Variants in APLP1 observed in about 807,000 individuals in gnomAD.
APLP1 encodes amyloid beta (A4) precursor-like protein 1.
A neutral mutation model predicts 84.5 loss-of-function variants in APLP1; 46 were observed. That is an observed-to-expected ratio of 0.54 (90% confidence interval 0.43 to 0.70). The LOEUF (loss-of-function observed/expected upper bound fraction) is 0.70, where lower values mean the gene tolerates loss of function less well. APLP1 is among the 30% of genes least tolerant of loss of function. The pLI, the probability that APLP1 is intolerant of heterozygous loss-of-function variation, is 0.00. For synonymous variants in APLP1, 376 were observed against 364.0 expected (o/e 1.03, Z -0.38); for missense variants, 826 against 900.2 (o/e 0.92, Z 1.05).
chr19:35,869,412 G>C, intron 1 of APLP1: 1 of 647,212 alleles, frequency 1.5e-6, no homozygotes, highest in Non-Finnish European at 2.7e-6. Flanking sequence ...GCGCTGGGGT[G>C]GGGGCGGAGT....
rs1272364247 is a variant in APLP1, at chr19:35,870,783, T to A, written c.292-113T>A. ...TGGGCGACAAGAGCAAATCTCCGTC[T>A]CAAAGAAAGAAAGAAAGAGGGAGAA... is the stretch of plus-strand genomic sequence containing the variant. On this transcript the variant is annotated intron_variant, in intron 2 of 16. Coordinates refer to ENST00000221891, the MANE Select transcript of APLP1 (RefSeq NM_001024807.3). 2.8e-6 allele frequency: 4 copies of A among 1,412,686 alleles called. No individual in the cohort carries two copies. In the East Asian group the frequency reaches 1.0e-4, roughly 36 times the overall value. 87.5% of individuals were successfully genotyped at this position (1,412,686 alleles called of 1,614,324 possible).
chr19:35,874,960 G>C lies in APLP1; in HGVS notation c.1344+91G>C. 2 of 1,508,560 alleles carry C rather than the reference G, an allele frequency of 1.3e-6. No homozygotes were observed. Among genetic ancestry groups the C allele is most frequent in the Non-Finnish European group, 1.8e-6 (2 of 1,128,424 alleles). The allele number at this position is 1,508,560 out of a possible 1,614,324, so 93.4% of individuals were successfully genotyped here. The stretch of plus-strand genomic sequence containing the variant: ...CTCTTGTCCCTTAGACCCTCTTTCT[G>C]TCTCTTGGACCCCTTCCTATCCCCT... On this transcript the variant is annotated intron_variant, in intron 10 of 16. Coordinates refer to ENST00000221891, the MANE Select transcript of APLP1 (RefSeq NM_001024807.3). The surrounding 1 kb of genome is among the most constrained non-coding windows in gnomAD (Gnocchi z 6.4).
Position 35,871,370 on chromosome 19 carries a change from G to A in APLP1, c.537+21G>A, listed in dbSNP as rs372134286. 4.7e-5 allele frequency: 67 copies of A among 1,423,708 alleles called. 1 individual carries two copies. The Admixed American group carries it at 8.0e-4, about 17-fold the overall frequency. The allele number at this position is 1,423,708 out of a possible 1,614,324, so 88.2% of individuals were successfully genotyped here. On this transcript the variant is annotated intron_variant, in intron 4 of 16. Coordinates refer to ENST00000221891, the MANE Select transcript of APLP1 (RefSeq NM_001024807.3). ...AGGAGGTCAGGACGTTGGCCCACCC[G>A]TCCCCAGCCCCCACAACCCAGGAAC...
chr19:35,872,122 G>A, intron 6 of APLP1, 86 bp downstream of exon 6: 1 of 1,464,692 alleles, frequency 6.8e-7, no homozygotes, highest in South Asian at 1.3e-5. Flanking sequence ...GTCTTTGGGA[G>A]GGGCCTATAG....
Position 35,874,781 on chromosome 19 carries a change from C to T in APLP1, c.1256C>T (p.Ala419Val), listed in dbSNP as rs1330917042. 6.2e-6 allele frequency: 10 copies of T among 1,613,338 alleles called. No individual in the cohort carries two copies. The highest frequency in any genetic ancestry group is 7.6e-6 in the Non-Finnish European group (9 of 1,179,964). Residue 419 changes from alanine to valine, a missense_variant, in exon 10 of 17, where the codon GCG becomes GTG. This residue lies in a region of APLP1 where 433 missense variants were observed against 496.5 expected (regional missense o/e 0.87). Transcript: ENST00000221891. The surrounding 1 kb of genome is among the most constrained non-coding windows in gnomAD (Gnocchi z 6.4). ...TTGGCCCTGCGGCGCTACCTGCGTG[C>T]GGAGCAGAAGGAACAGAGGCACACG... is the stretch of plus-strand genomic sequence containing the variant. The part of the protein sequence containing the change: ...VLLALRRYLR[A>V]EQKEQRHTLR...
At position 35,876,614 on chromosome 19, in the gene APLP1, T is replaced by G. The variant is rs761676541; in HGVS notation, c.1442T>G (p.Ile481Ser). 6.2e-7 allele frequency: 1 copy of G among 1,609,734 alleles called. No individual in the cohort carries two copies. The highest frequency in any genetic ancestry group is 1.7e-4 in the Middle Eastern group (1 of 6,042). The change falls in exon 11 of 17, where the codon ATC becomes AGC. Residue 481 changes from isoleucine (I) to serine (S), a missense_variant and splice_region_variant. By Grantham distance (142) the Ile-to-Ser change is moderately radical. Coordinates refer to ENST00000221891, the MANE Select transcript of APLP1 (RefSeq NM_001024807.3). ...PHLAQELRPQ[I>S]QELLHSEHLG... ...CTGGCTCAGGAGCTGCGGCCCCAAATCCGTGAGTGTCTATTACCCTGGCTC... is the reference window on the plus strand; with the variant it reads ...CTGGCTCAGGAGCTGCGGCCCCAAAGCCGTGAGTGTCTATTACCCTGGCTC...
intron 10 of APLP1, among the ~76,000 whole-genome samples, chr19:35,875,455 A>G (rs1293361350): frequency 6.6e-6 from 1 of 151,776 alleles, no homozygotes; most frequent in Non-Finnish European, 1.5e-5. Flanking sequence ...CCTCCTGAGT[A>G]GCTGGGACTA....
In APLP1 at chr19:35,869,943, TA is replaced by T. The variant is rs746922328; in HGVS notation, c.291+134del. 9.6e-4 allele frequency: 1,133 copies of T among 1,183,702 alleles called. 3 individuals carry two copies. Among genetic ancestry groups the T allele is most frequent in the Non-Finnish European group, 1.3e-3 (1,088 of 863,866 alleles). The allele number at this position is 1,183,702 out of a possible 1,614,324, so 73.3% of individuals were successfully genotyped here. ...GGCCAATAAAGAGGCGCAACTATGC[TA>T]GGGGCAGGGGACCTGTTTTGAGATA... is the stretch of plus-strand genomic sequence containing the variant. On this transcript the variant is annotated intron_variant, in intron 2 of 16. Transcript: ENST00000221891.
chr19:35,871,168 C>T, intron 3 of APLP1, 69 bp from the exon 4 acceptor site: 1 of 1,553,040 alleles, frequency 6.4e-7, no homozygotes, highest in Non-Finnish European at 8.8e-7. Flanking sequence ...GATAAAATAT[C>T]TGGATTCTGA....
intron 11 of APLP1, among the ~76,000 whole-genome samples, chr19:35,877,499 A>C (rs978735293): frequency 1.3e-5 from 2 of 149,436 alleles, no homozygotes; most frequent in East Asian, 1.9e-4. Context: ...AAAAAAAAAA[A>C]AACAAAAAAA....
At chr19:35,869,465 AG>A (rs1393137399) in intron 1 of APLP1, 16 of 718,452 alleles carry the variant, frequency 2.2e-5, no homozygotes, top group African/African-American at 1.5e-4. Flanking sequence ...CGGGGGACCC[AG>A]GTCGCCATAG....
chr19:35,870,768 G>C (rs1207600605), intron 2 of APLP1, 128 bp from the exon 3 acceptor site: 9 of 1,343,524 alleles, frequency 6.7e-6, no homozygotes, highest in Non-Finnish European at 9.0e-6. Flanking sequence ...TGGGCGACAA[G>C]AGCAAATCTC....
intron 1 of APLP1, 29 bp from the exon 2 acceptor site, chr19:35,869,638 C>T: frequency 1.9e-6 from 3 of 1,608,436 alleles, no homozygotes; most frequent in Non-Finnish European, 2.5e-6. Flanking sequence ...GCCCCCCGAG[C>T]CCTCACTGTC....
chr19:35,869,898 G>A (rs529082601), intron 2 of APLP1, 88 bp downstream of exon 2: 2 of 1,490,376 alleles, frequency 1.3e-6, no homozygotes, highest in Admixed American at 4.7e-5. Context: ...GCGATCTAAG[G>A]CGTGGAGGCT....
At chr19:35,871,793 G>C (rs774247850) in intron 5 of APLP1, 48 bp downstream of exon 5, 11 of 1,613,410 alleles carry the variant, frequency 6.8e-6, no homozygotes, top group Non-Finnish European at 8.5e-6. Context: ...TCCTGAGGCA[G>C]GGGATGGAAG....
Position 35,874,865 on chromosome 19 carries a change from T to C in APLP1, c.1340T>C (p.Phe447Ser), listed in dbSNP as rs1281922690. 3.1e-6 allele frequency: 5 copies of C among 1,607,688 alleles called. No individual in the cohort carries two copies. In the African/African-American group the frequency reaches 6.7e-5, roughly 21 times the overall value. ...VDPEKAQQMR[F>S]QVHTHLQVIE... is the part of the protein sequence containing the mutation. Reference sequence around the variant, plus strand: ...CCCGAGAAGGCACAGCAGATGCGCTTCCAGGTGCTCACATCCTTCCAGCTC... The same window carrying C: ...CCCGAGAAGGCACAGCAGATGCGCTCCCAGGTGCTCACATCCTTCCAGCTC... Residue 447 changes from phenylalanine (F) to serine (S), a missense_variant, in exon 10 of 17, where the codon TTC becomes TCC. By Grantham distance (155) the Phe-to-Ser change is radical. This residue lies in a region of APLP1 where 433 missense variants were observed against 496.5 expected (regional missense o/e 0.87). Transcript: ENST00000221891. This position sits in a 1 kb window ranked among gnomAD's most constrained non-coding sequence, Gnocchi z 6.4.
rs1974209155 is a variant in APLP1 at position 35,873,530 on chromosome 19, A to T, written c.982-109A>T. On this transcript the variant is annotated intron_variant, in intron 7 of 16. Coordinates refer to ENST00000221891, the MANE Select transcript of APLP1 (RefSeq NM_001024807.3). Reference sequence around the variant, plus strand: ...CCAAAGTGCTGGGATTACAGGCATGAGCCACTGCGCCCAGCCATGGGGCTT... The same window carrying T: ...CCAAAGTGCTGGGATTACAGGCATGTGCCACTGCGCCCAGCCATGGGGCTT... 4 of 1,068,942 alleles carry T rather than the reference A, an allele frequency of 3.7e-6. No individual in the cohort carries two copies. In the East Asian group the frequency reaches 1.0e-4, roughly 27 times the overall value. 66.2% of individuals were successfully genotyped at this position (1,068,942 alleles called of 1,614,324 possible).
chr19:35,868,695 TG>T lies in APLP1; in HGVS notation c.60del (p.Pro21ArgfsTer43). ...GLSRRPGQPP[L>X]PLLLPLLLLL... ...AGTCGCCGCCCGGGCCAGCCGCCGCTGCCGCTGCTGCTGCCACTATTGCTGC... is the reference window on the plus strand; with the variant it reads ...AGTCGCCGCCCGGGCCAGCCGCCGCTCCGCTGCTGCTGCCACTATTGCTGC... On this transcript the variant is annotated frameshift_variant, in exon 1 of 17. Transcript: ENST00000221891. LOFTEE classifies it high-confidence loss of function. This position sits in a 1 kb window ranked among gnomAD's most constrained non-coding sequence, Gnocchi z 5.2. 1.4e-6 allele frequency: 2 copies of T among 1,413,994 alleles called. No homozygotes were observed. Among genetic ancestry groups the T allele is most frequent in the Non-Finnish European group, 1.8e-6 (2 of 1,088,158 alleles). 87.6% of individuals were successfully genotyped at this position (1,413,994 alleles called of 1,614,324 possible). A position where few individuals can be genotyped will look rare whatever the true frequency, so the allele number is the denominator to read the frequency against.
intron 10 of APLP1, among the ~76,000 whole-genome samples, chr19:35,875,883 T>C (rs868137799): frequency 2.6e-5 from 4 of 151,492 alleles, no homozygotes; most frequent in Non-Finnish European, 4.4e-5. Context: ...CCTCCCAAAG[T>C]GCTGGGATTA....
Sources: gnomAD v4.1 joint callset for allele counts (sites outside exome capture counted in the v4.1 genomes callset) on GRCh38, gnomAD v4.1.1 for gene constraint, gnomAD v4.1.1 regional missense constraint, Gnocchi (gnomAD v3.1) non-coding constraint, MANE v1.5 for transcripts, NCBI Gene and HGNC (gene_info 2026-07-23, HGNC 2026-07-21) for gene names.